Variants in NTRK2 observed in about 807,000 individuals in gnomAD.
The protein encoded by NTRK2 is BDNF/NT-3 growth factors receptor.
A neutral mutation model predicts 94.5 loss-of-function variants in NTRK2; 13 were observed. The observed-to-expected ratio is 0.14, with a 90% CI of 0.09 to 0.22. NTRK2 has a LOEUF of 0.22. Ranked by LOEUF, NTRK2 falls within the 10% of genes least tolerant of loss-of-function variation. The probability of loss-of-function intolerance (pLI) is 1.00; values close to 1 mark genes in which losing one functional copy is unlikely to be tolerated. For missense variants in NTRK2, 639 were observed against 1,071.2 expected, an observed-to-expected ratio of 0.60 and a Z score of 5.63; for synonymous variants, 372 against 407.4, an observed-to-expected ratio of 0.91 and a Z score of 1.05.
At chr9:84,681,778 G>T (rs2059407617) in intron 2 of NTRK2, among the ~76,000 whole-genome samples, 1 of 151,880 alleles carries the variant, frequency 6.6e-6, no homozygotes, top group African/African-American at 2.4e-5. Flanking sequence ...TTACCCTCTG[G>T]CTCCCAGTGT....
intron 12 of NTRK2, among the ~76,000 whole-genome samples, chr9:84,831,161 C>G (rs1427762280): frequency 6.6e-6 from 1 of 152,148 alleles, no homozygotes; most frequent in East Asian, 1.9e-4. Context: ...GCATCTCTGT[C>G]CATATCTCTG....
intron 8 of NTRK2, 35 bp downstream of exon 8, chr9:84,724,391 A>T (rs1240315004): frequency 1.2e-6 from 2 of 1,613,826 alleles, no homozygotes; most frequent in Admixed American, 3.3e-5. Flanking sequence ...TTTTAATAGC[A>T]AATGATCATG....
At chr9:84,885,546 C>T (rs1427437697) in intron 14 of NTRK2, among the ~76,000 whole-genome samples, 1 of 151,982 alleles carries the variant, frequency 6.6e-6, no homozygotes, top group Non-Finnish European at 1.5e-5. Context: ...TGAGAAGCAT[C>T]ATGTCGAACA....
intron 12 of NTRK2, among the ~76,000 whole-genome samples, chr9:84,850,066 A>G (rs2074681539): frequency 6.6e-6 from 1 of 152,230 alleles, no homozygotes; most frequent in Non-Finnish European, 1.5e-5. Flanking sequence ...ATAAGAGACA[A>G]AAAGCCCAAA....
intron 17 of NTRK2, among the ~76,000 whole-genome samples, chr9:84,991,671 G>C (rs1044106191): frequency 1.3e-5 from 2 of 151,928 alleles, no homozygotes; most frequent in African/African-American, 2.4e-5. Context: ...AGCCTCCTCC[G>C]CCTGGAGCTG....
chr9:84,806,750 G>A (rs542885288), intron 12 of NTRK2, among the ~76,000 whole-genome samples: 22 of 152,224 alleles, frequency 1.4e-4, no homozygotes, highest in Non-Finnish European at 2.8e-4. Context: ...AAGACAATAG[G>A]TGTTTAAGCC....
intron 14 of NTRK2, among the ~76,000 whole-genome samples, chr9:84,869,561 T>C (rs2075748882): frequency 6.6e-6 from 1 of 152,232 alleles, no homozygotes; most frequent in South Asian, 2.1e-4. Flanking sequence ...TTTTATCTCA[T>C]AATTTTTTTT....
chr9:84,967,568 C>T (rs1825700443), intron 17 of NTRK2, among the ~76,000 whole-genome samples: 1 of 152,256 alleles, frequency 6.6e-6, no homozygotes, highest in African/African-American at 2.4e-5. Context: ...TGGCTTCCTC[C>T]CTCACAGCCT....
At chr9:84,864,399 C>G (rs112736284) in intron 13 of NTRK2, among the ~76,000 whole-genome samples, 1 of 152,074 alleles carries the variant, frequency 6.6e-6, no homozygotes, top group African/African-American at 2.4e-5. Flanking sequence ...ACATTGGGTA[C>G]GGTGTTGCTG....
intron 12 of NTRK2, among the ~76,000 whole-genome samples, chr9:84,844,501 C>G (rs1399015481): frequency 6.6e-6 from 1 of 152,096 alleles, no homozygotes; most frequent in Non-Finnish European, 1.5e-5. Context: ...TTCTGGGTAA[C>G]TTTCATAAAT....
At chr9:84,897,478 GTTCCC>G (rs1252288550) in intron 14 of NTRK2, among the ~76,000 whole-genome samples, 4 of 152,200 alleles carry the variant, frequency 2.6e-5, no homozygotes, top group Non-Finnish European at 4.4e-5. Flanking sequence ...TCCCCCAGGG[GTTCCC>G]CCTGTGGTGT....
At chr9:84,826,880 C>G (rs529621160) in intron 12 of NTRK2, among the ~76,000 whole-genome samples, 1 of 152,234 alleles carries the variant, frequency 6.6e-6, no homozygotes, top group Non-Finnish European at 1.5e-5. Flanking sequence ...CATAAAAACA[C>G]TTTGAAGGAG....
At chr9:84,758,943 C>T (rs1245583572) in intron 12 of NTRK2, among the ~76,000 whole-genome samples, 1 of 152,154 alleles carries the variant, frequency 6.6e-6, no homozygotes, top group Non-Finnish European at 1.5e-5. Context: ...GGAATATAAA[C>T]CACACAAAAT....
intron 14 of NTRK2, among the ~76,000 whole-genome samples, chr9:84,916,113 T>G (rs912681046): frequency 6.6e-6 from 1 of 151,986 alleles, no homozygotes; most frequent in Non-Finnish European, 1.5e-5. Context: ...CAAGTCTACC[T>G]CTGTTCCAAG....
chr9:84,907,767 C>T (rs899312578), intron 14 of NTRK2, among the ~76,000 whole-genome samples: 3 of 149,204 alleles, frequency 2.0e-5, no homozygotes, highest in Non-Finnish European at 4.4e-5. Context: ...TGGTTGTGGA[C>T]TTTAGAGTCT....
At chr9:84,942,024 G>C (rs965392208) in intron 15 of NTRK2, among the ~76,000 whole-genome samples, 1 of 152,148 alleles carries the variant, frequency 6.6e-6, no homozygotes, top group African/African-American at 2.4e-5. Flanking sequence ...ATATGAGGTT[G>C]TCACTTGGTA....
chr9:84,820,699 C>T (rs2072753458), intron 12 of NTRK2, among the ~76,000 whole-genome samples: 1 of 152,144 alleles, frequency 6.6e-6, no homozygotes, highest in Non-Finnish European at 1.5e-5. Flanking sequence ...CGGACCTAAG[C>T]AGTTCCAACC....
intron 17 of NTRK2, among the ~76,000 whole-genome samples, chr9:85,000,619 A>C (rs1830230867): frequency 6.6e-6 from 1 of 152,172 alleles, no homozygotes; most frequent in Non-Finnish European, 1.5e-5. Flanking sequence ...AGTTCTAAAT[A>C]ATATTATATT....
intron 12 of NTRK2, among the ~76,000 whole-genome samples, chr9:84,855,312 G>A (rs2075011844): frequency 6.6e-6 from 1 of 152,156 alleles, no homozygotes; most frequent in Non-Finnish European, 1.5e-5. Flanking sequence ...GATGATGGAT[G>A]CTTTTCAGTT....
Sources: allele counts gnomAD v4.1 joint callset (sites outside exome capture counted in the v4.1 genomes callset), GRCh38; gene constraint gnomAD v4.1.1; transcripts MANE v1.5; gene names NCBI Gene and HGNC (gene_info 2026-07-23, HGNC 2026-07-21).